The following WDTC1 variants were observed in gnomAD, a reference collection of about 807,000 sequenced individuals.
WDTC1 encodes the protein WD and tetratricopeptide repeats protein 1.
In WDTC1, 12 loss-of-function variants were observed where a neutral mutation model predicts 76.0. The observed-to-expected ratio is 0.16, with a 90% CI of 0.10 to 0.26. The LOEUF (loss-of-function observed/expected upper bound fraction) is 0.26, where lower values mean the gene tolerates loss of function less well. WDTC1 is among the 10% of genes least tolerant of loss of function. The probability of loss-of-function intolerance (pLI) is 1.00; values close to 1 mark genes in which losing one functional copy is unlikely to be tolerated. For synonymous variants in WDTC1, 326 were observed against 350.8 expected (o/e 0.93, Z 0.79); for missense variants, 511 against 908.8 (o/e 0.56, Z 5.63).
At chr1:27,268,195 C>CT (rs1476968316) in intron 3 of WDTC1, among the ~76,000 whole-genome samples, 1 of 152,036 alleles carries the variant, frequency 6.6e-6, no homozygotes, top group Admixed American at 6.6e-5. Context: ...AATCTCAGTA[C>CT]TTTGTGAGGC....
chr1:27,301,365 G>A lies in WDTC1; in HGVS notation c.1372G>A (p.Asp458Asn), dbSNP rs749589659. ...YVAEALECLDDFKGKFPEQAH... is the reference protein window; with the variant it reads ...YVAEALECLDNFKGKFPEQAH... Reference sequence around the variant, plus strand: ...GGCTGAAGCCCTGGAGTGCCTGGACGACTTCAAAGGGAAATTTCCGGAGCA... The same window carrying A: ...GGCTGAAGCCCTGGAGTGCCTGGACAACTTCAAAGGGAAATTTCCGGAGCA... Residue 458 changes from aspartate to asparagine, a missense_variant, in exon 13 of 16, where the codon GAC (aspartate) becomes AAC (asparagine). Coordinates refer to ENST00000319394, the MANE Select transcript of WDTC1 (RefSeq NM_001276252.2). The surrounding 1 kb of genome is among the most constrained non-coding windows in gnomAD (Gnocchi z 5.8). 3.1e-6 allele frequency: 5 copies of A among 1,614,142 alleles called. No homozygotes were observed. The highest frequency in any genetic ancestry group is 1.7e-5 in the Admixed American group (1 of 60,024).
Position 27,305,758 on chromosome 1 carries a change from C to CT in WDTC1, c.1837-424dup, listed in dbSNP as rs1359798139. 1.3e-5 allele frequency among the ~76,000 whole-genome samples: 2 copies of CT among 152,090 alleles called. No individual in the cohort carries two copies. The highest frequency in any genetic ancestry group is 4.8e-5 in the African/African-American group (2 of 41,390). Reference sequence around the variant, plus strand: ...TGATTCCCAAGATAATTTGCTGTGACTTTTAAAGAGAGGACCCCTATAGGC... The same window carrying CT: ...TGATTCCCAAGATAATTTGCTGTGACTTTTTAAAGAGAGGACCCCTATAGGC... On this transcript the variant is annotated intron_variant, in intron 15 of 15. Coordinates refer to ENST00000319394, the MANE Select transcript of WDTC1 (RefSeq NM_001276252.2). The surrounding 1 kb of genome is among the most constrained non-coding windows in gnomAD (Gnocchi z 4.6).
At chr1:27,272,201 G>A (rs149314975) in intron 3 of WDTC1, among the ~76,000 whole-genome samples, 3,553 of 151,844 alleles carry the variant, frequency 0.023, 59 homozygotes, top group Non-Finnish European at 0.037. Flanking sequence ...AGCTGAGATC[G>A]TGCCATTGCA....
In WDTC1 at chr1:27,297,816, G is replaced by A. The variant is rs74061758; in HGVS notation, c.1059-122G>A. 4.9e-6 allele frequency: 5 copies of A among 1,027,222 alleles called. No homozygotes were observed. In the South Asian group the frequency reaches 9.3e-5, roughly 19 times the overall value. The allele number at this position is 1,027,222 out of a possible 1,614,324, so 63.6% of individuals were successfully genotyped here. A position where few individuals can be genotyped will look rare whatever the true frequency, so the allele number is the denominator to read the frequency against. ...ACCAGGGTAGTGGTCCCCTCTTCCA[G>A]ATAGCAGTCAGATCCCAGGGGCCAA... On this transcript the variant is annotated intron_variant, in intron 11 of 15. Transcript: ENST00000319394.
rs990770683 is a variant in WDTC1 at position 27,306,741 on chromosome 1, C to T, written c.*358C>T. 7.0e-5 allele frequency: 19 copies of T among 270,454 alleles called. No homozygotes were observed. Among genetic ancestry groups the T allele is most frequent in the Non-Finnish European group, 5.7e-5 (8 of 140,848 alleles). 16.8% of individuals were successfully genotyped at this position (270,454 alleles called of 1,614,324 possible). A position where few individuals can be genotyped will look rare whatever the true frequency, so the allele number is the denominator to read the frequency against. On this transcript the variant is annotated 3_prime_UTR_variant, in exon 16 of 16. Transcript: ENST00000319394. This position sits in a 1 kb window ranked among gnomAD's most constrained non-coding sequence, Gnocchi z 5.0. ...TGAACTGTCTTCAGGGACTGTCCTG[C>T]CCTTTAGCTGGCAGCAGCAGGAGGA...
At chr1:27,246,477 C>T (rs570249982) in intron 1 of WDTC1, among the ~76,000 whole-genome samples, 5 of 152,162 alleles carry the variant, frequency 3.3e-5, no homozygotes, top group African/African-American at 1.2e-4. Context: ...CAATTGATGG[C>T]CATTTGGGTT....
chr1:27,297,178 A>T (rs1367235591), intron 11 of WDTC1, 22 bp downstream of exon 11: 1 of 1,567,914 alleles, frequency 6.4e-7, no homozygotes, highest in Admixed American at 1.9e-5. Context: ...TGGCTTGTCC[A>T]GCCCTCCAAG....
intron 3 of WDTC1, among the ~76,000 whole-genome samples, chr1:27,271,941 A>AT (rs891943638): frequency 1.4e-5 from 2 of 144,652 alleles, no homozygotes; most frequent in Non-Finnish European, 1.5e-5. Flanking sequence ...CCGGCCTAAA[A>AT]TTTTTTTTTT....
chr1:27,279,719 A>G (rs1208767825), intron 3 of WDTC1, among the ~76,000 whole-genome samples: 1 of 152,048 alleles, frequency 6.6e-6, no homozygotes, highest in Non-Finnish European at 1.5e-5. Context: ...GGTGCACGCC[A>G]CCACACCTGG....
intron 3 of WDTC1, among the ~76,000 whole-genome samples, chr1:27,269,752 C>T (rs568518638): frequency 1.3e-5 from 2 of 151,390 alleles, no homozygotes; most frequent in Middle Eastern, 3.4e-3. Context: ...GCTGGGACTA[C>T]AGGTGTGCAC....
chr1:27,295,405 C>T (rs1190482778), intron 9 of WDTC1, among the ~76,000 whole-genome samples: 2 of 151,868 alleles, frequency 1.3e-5, no homozygotes, highest in African/African-American at 2.4e-5. Flanking sequence ...AAACATTTGG[C>T]TTTGTGACCT....
chr1:27,304,003 AG>A lies in WDTC1; in HGVS notation c.1643+210del. Reference sequence around the variant, plus strand: ...CATGCCCATTTATGAGGCCATAACAAGGACTAATAAGATAACCCAAGTAGAG... The same window carrying A: ...CATGCCCATTTATGAGGCCATAACAAGACTAATAAGATAACCCAAGTAGAG... On this transcript the variant is annotated intron_variant, in intron 14 of 15. Transcript: ENST00000319394. 3.4e-6 allele frequency: 2 copies of A among 593,176 alleles called. 1 individual carries two copies. The highest frequency in any genetic ancestry group is 4.7e-5 in the South Asian group (2 of 42,650). 36.7% of individuals were successfully genotyped at this position (593,176 alleles called of 1,614,324 possible). A position where few individuals can be genotyped will look rare whatever the true frequency, so the allele number is the denominator to read the frequency against.
At chr1:27,300,186 CA>C (rs1476365681) in intron 12 of WDTC1, among the ~76,000 whole-genome samples, 24 of 152,288 alleles carry the variant, frequency 1.6e-4, no homozygotes, top group African/African-American at 3.6e-4. Flanking sequence ...GAAGGAGGCT[CA>C]GGAAGAACCT....
At chr1:27,237,333 G>T (rs972154732) in intron 1 of WDTC1, among the ~76,000 whole-genome samples, 3 of 152,162 alleles carry the variant, frequency 2.0e-5, no homozygotes, top group African/African-American at 7.2e-5. Flanking sequence ...GAGTCTCAGA[G>T]AGGAAGTCAA....
In WDTC1 at chr1:27,286,614, C is replaced by T. The variant is rs867055314; in HGVS notation, c.292-1060C>T. Among the ~76,000 whole-genome samples the T allele has an allele frequency of 4.0e-5, 6 of 151,006 alleles. No homozygotes were observed. In the South Asian group the frequency reaches 6.3e-4, roughly 16 times the overall value. ...CCTCCCGAGTAGCTGGGACTACAGG[C>T]GCACGCCCGGCTAATTTTTTTATAT... On this transcript the variant is annotated intron_variant, in intron 5 of 15. Coordinates refer to ENST00000319394, the MANE Select transcript of WDTC1 (RefSeq NM_001276252.2).
chr1:27,304,082 T>C (rs1391869031), intron 14 of WDTC1: 4 of 365,616 alleles, frequency 1.1e-5, no homozygotes, highest in Non-Finnish European at 2.0e-5. Flanking sequence ...CTTCTCCCTC[T>C]GTCTGCATGT....
Position 27,297,931 on chromosome 1 carries a change from C to T in WDTC1, c.1059-7C>T, listed in dbSNP as rs199745928. On this transcript the variant is annotated splice_polypyrimidine_tract_variant and splice_region_variant and intron_variant, in intron 11 of 15. Transcript: ENST00000319394. ...ACTGTTCTGACTTGGCTCTATTTCC[C>T]CTGCAGCCCCCAAGTAGAGCTACCA... 446 of 1,605,190 alleles carry T rather than the reference C, an allele frequency of 2.8e-4. 2 individuals carry two copies. In the African/African-American group the frequency reaches 5.4e-3, roughly 20 times the overall value.
chr1:27,249,928 C>T (rs532961298), intron 1 of WDTC1, among the ~76,000 whole-genome samples: 3 of 152,098 alleles, frequency 2.0e-5, no homozygotes, highest in African/African-American at 4.8e-5. Flanking sequence ...TCACTTTTAA[C>T]AACGTCACGA....
rs1363150433 is a variant in WDTC1 at position 27,292,171 on chromosome 1, A to C, written c.480-44A>C. The C allele has an allele frequency of 2.1e-6, 3 of 1,447,604 alleles. No homozygotes were observed. The African/African-American group carries it at 4.4e-5, about 21-fold the overall frequency. 89.7% of individuals were successfully genotyped at this position (1,447,604 alleles called of 1,614,324 possible). On this transcript the variant is annotated intron_variant, in intron 6 of 15. Coordinates refer to ENST00000319394, the MANE Select transcript of WDTC1 (RefSeq NM_001276252.2). Reference sequence around the variant, plus strand: ...TTATCTTTTCCCCTGCCTTCCTCTCAAGGACCCCAAGCCCCAATTCCCTAA... The same window carrying C: ...TTATCTTTTCCCCTGCCTTCCTCTCCAGGACCCCAAGCCCCAATTCCCTAA...
Sources: gnomAD v4.1 joint callset for allele counts (sites outside exome capture counted in the v4.1 genomes callset) on GRCh38, gnomAD v4.1.1 for gene constraint, Gnocchi (gnomAD v3.1) non-coding constraint, MANE v1.5 for transcripts, NCBI Gene and HGNC (gene_info 2026-07-23, HGNC 2026-07-21) for gene names.